Variants in POLR3F observed in about 807,000 individuals in gnomAD.
POLR3F encodes DNA-directed RNA polymerase III subunit RPC6.
POLR3F carries 31 observed loss-of-function variants against 43.6 expected under a neutral mutation model. The ratio of observed to expected loss-of-function variants is 0.71; its 90% CI spans 0.53 to 0.96. The LOEUF is 0.96. Among genes scored for constraint, POLR3F ranks in the 40% least tolerant of loss-of-function variants. The probability of loss-of-function intolerance (pLI) is 0.00; values close to 1 mark genes in which losing one functional copy is unlikely to be tolerated. For synonymous variants in POLR3F, 114 were observed against 132.5 expected, an observed-to-expected ratio of 0.86 and a Z score of 0.96; for missense variants, 316 against 391.7, an observed-to-expected ratio of 0.81 and a Z score of 1.63.
At chr20:18,468,894 C>A in intron 1 of POLR3F, 50 bp from the exon 2 acceptor site, 1 of 888,448 alleles carries the variant, frequency 1.1e-6, no homozygotes, top group Non-Finnish European at 1.9e-6. Context: ...CCCCCACTGT[C>A]TCTTGAAACA....
At chr20:18,471,239 T>C (rs1266226924) in intron 2 of POLR3F, among the ~76,000 whole-genome samples, 2 of 152,222 alleles carry the variant, frequency 1.3e-5, no homozygotes, top group African/African-American at 4.8e-5. Context: ...GGCCACATCA[T>C]GCTGTTTCGT....
chr20:18,468,643 G>C (rs2059723613), intron 1 of POLR3F, among the ~76,000 whole-genome samples: 1 of 152,030 alleles, frequency 6.6e-6, no homozygotes, highest in African/African-American at 2.4e-5. Context: ...TTACACCCGA[G>C]AAAACTGAAG....
At chr20:18,475,725 A>G (rs975531288) in intron 5 of POLR3F, among the ~76,000 whole-genome samples, 9 of 152,146 alleles carry the variant, frequency 5.9e-5, no homozygotes, top group African/African-American at 2.2e-4. Context: ...CCTAGAATAA[A>G]GTTTGCTTCA....
chr20:18,480,539 A>T (rs2059804579), intron 7 of POLR3F, 30 bp downstream of exon 7: 1 of 1,296,236 alleles, frequency 7.7e-7, no homozygotes, highest in Non-Finnish European at 1.1e-6. Flanking sequence ...TTATTTTTTA[A>T]AACTTATTCT....
At chr20:18,468,406 C>G (rs925563770) in intron 1 of POLR3F, among the ~76,000 whole-genome samples, 1 of 152,238 alleles carries the variant, frequency 6.6e-6, no homozygotes, top group African/African-American at 2.4e-5. Context: ...CACTGCCACT[C>G]TTAGATTTTC....
chr20:18,468,479 C>G (rs2059719248), intron 1 of POLR3F, among the ~76,000 whole-genome samples: 1 of 152,184 alleles, frequency 6.6e-6, no homozygotes, highest in Non-Finnish European at 1.5e-5. Context: ...TTGATGTCGA[C>G]TAGGTGAAGA....
intron 1 of POLR3F, among the ~76,000 whole-genome samples, chr20:18,467,859 T>C (rs892752682): frequency 6.6e-6 from 1 of 152,232 alleles, no homozygotes; most frequent in Non-Finnish European, 1.5e-5. Context: ...ACGCGATCAG[T>C]GCTTTGAGAG....
intron 5 of POLR3F, among the ~76,000 whole-genome samples, chr20:18,476,142 G>T (rs1401073121): frequency 6.6e-6 from 1 of 152,086 alleles, no homozygotes; most frequent in Non-Finnish European, 1.5e-5. Flanking sequence ...AAAATCTTTG[G>T]ATTTACAGTC....
At chr20:18,475,526 T>A (rs1316231099) in intron 5 of POLR3F, among the ~76,000 whole-genome samples, 1 of 152,222 alleles carries the variant, frequency 6.6e-6, no homozygotes, top group Non-Finnish European at 1.5e-5. Context: ...TGCCAGACAC[T>A]GTTTTGAGTG....
Position 18,472,875 on chromosome 20 carries a change from C to A in POLR3F, c.214C>A (p.Leu72Ile). Residue 72 changes from leucine to isoleucine, a missense_variant, in exon 3 of 9, where the codon CTT becomes ATT. Physicochemically the swap from Leu to Ile is conservative, Grantham distance 5. Transcript: ENST00000377603. Reference protein sequence around the residue: ...QLDLLRSNTGLLYRIKDSQNA... With the variant: ...QLDLLRSNTGILYRIKDSQNA... Reference sequence around the variant, plus strand: ...GGATCTCTTAAGGAGCAATACGGGCCTTTTATATAGAATAAAGGACTCTCA... The same window carrying A: ...GGATCTCTTAAGGAGCAATACGGGCATTTTATATAGAATAAAGGACTCTCA... 6.6e-7 allele frequency: 1 copy of A among 1,515,054 alleles called. No individual in the cohort carries two copies. The highest frequency in any genetic ancestry group is 9.1e-7 in the Non-Finnish European group (1 of 1,103,176). 93.9% of individuals were successfully genotyped at this position (1,515,054 alleles called of 1,614,324 possible). A position where few individuals can be genotyped will look rare whatever the true frequency, so the allele number is the denominator to read the frequency against.
At chr20:18,467,979 G>A (rs2059708965) in intron 1 of POLR3F, among the ~76,000 whole-genome samples, 1 of 152,142 alleles carries the variant, frequency 6.6e-6, no homozygotes, top group African/African-American at 2.4e-5. Context: ...GCGGAGTTAG[G>A]GCGCAGTTGG....
At chr20:18,478,569 GTAGT>G (rs1214519372) in intron 5 of POLR3F, among the ~76,000 whole-genome samples, 1 of 152,124 alleles carries the variant, frequency 6.6e-6, no homozygotes, top group East Asian at 1.9e-4. Context: ...GTTGGGGTGA[GTAGT>G]TACAGACAAA....
intron 1 of POLR3F, among the ~76,000 whole-genome samples, chr20:18,467,921 C>A (rs1020971731): frequency 2.0e-5 from 3 of 152,144 alleles, no homozygotes; most frequent in African/African-American, 7.2e-5. Context: ...ATGTTCTGAT[C>A]CAGGATCGCT....
At chr20:18,481,502 G>C in intron 7 of POLR3F, 117 bp from the exon 8 acceptor site, 1 of 701,684 alleles carries the variant, frequency 1.4e-6, no homozygotes, top group South Asian at 1.7e-5. Context: ...GCTTCCCAAA[G>C]TGCTGGGATT....
Position 18,473,475 on chromosome 20 carries a change from T to A in POLR3F, c.316+17T>A. On this transcript the variant is annotated intron_variant, in intron 4 of 8. Coordinates refer to ENST00000377603, the MANE Select transcript of POLR3F (RefSeq NM_006466.4). Reference sequence around the variant, plus strand: ...GAAATAAAGGTAAGCATGTGAAAGATGAAGCAGAAAAAAACATTGTCTTTG... The same window carrying A: ...GAAATAAAGGTAAGCATGTGAAAGAAGAAGCAGAAAAAAACATTGTCTTTG... 1 of 1,311,144 alleles carries A rather than the reference T, an allele frequency of 7.6e-7. No homozygotes were observed. Among genetic ancestry groups the A allele is most frequent in the Non-Finnish European group, 1.1e-6 (1 of 907,114 alleles). The allele number at this position is 1,311,144 out of a possible 1,614,324, so 81.2% of individuals were successfully genotyped here.
At chr20:18,482,846 C>A (rs1374006855) in intron 8 of POLR3F, among the ~76,000 whole-genome samples, 3 of 152,184 alleles carry the variant, frequency 2.0e-5, no homozygotes, top group African/African-American at 7.2e-5. Context: ...CTGTTTTGCA[C>A]CCTTCACAAA....
intron 2 of POLR3F, among the ~76,000 whole-genome samples, chr20:18,471,392 A>T (rs76773257): frequency 0.015 from 2,279 of 152,222 alleles, 126 homozygotes; most frequent in East Asian, 0.15. Context: ...TTCTCCGAGT[A>T]CCCAATCTGG....
chr20:18,473,173 C>T (rs2059762519), intron 3 of POLR3F, among the ~76,000 whole-genome samples: 2 of 151,086 alleles, frequency 1.3e-5, no homozygotes, highest in Admixed American at 6.6e-5. Context: ...TCATGCTATC[C>T]ATTCTGTTTT....
chr20:18,478,044 C>T (rs965176845), intron 5 of POLR3F, among the ~76,000 whole-genome samples: 2 of 152,140 alleles, frequency 1.3e-5, no homozygotes, highest in Admixed American at 6.5e-5. Flanking sequence ...GTCTTTCCAG[C>T]ATGGACAACT....
Sources: allele counts gnomAD v4.1 joint callset (sites outside exome capture counted in the v4.1 genomes callset), GRCh38; gene constraint gnomAD v4.1.1; transcripts MANE v1.5; gene names NCBI Gene and HGNC (gene_info 2026-07-23, HGNC 2026-07-21).